HSPA12A: variants seen among roughly 807,000 people sequenced by gnomAD.
The protein encoded by HSPA12A is heat shock protein family A (Hsp70) member 12A.
HSPA12A carries 28 observed loss-of-function variants against 69.2 expected under a neutral mutation model. That is an observed-to-expected ratio of 0.40 (90% confidence interval 0.30 to 0.55). The LOEUF (loss-of-function observed/expected upper bound fraction) is 0.55, where lower values mean the gene tolerates loss of function less well. Among genes scored for constraint, HSPA12A ranks in the 20% least tolerant of loss-of-function variants. The probability of loss-of-function intolerance (pLI) is 0.38; values close to 1 mark genes in which losing one functional copy is unlikely to be tolerated. For synonymous variants in HSPA12A, 345 were observed against 370.5 expected, an observed-to-expected ratio of 0.93 and a Z score of 0.79; for missense variants, 686 against 900.7, an observed-to-expected ratio of 0.76 and a Z score of 3.05.
intron 10 of HSPA12A, among the ~76,000 whole-genome samples, chr10:116,679,195 G>A (rs1156746499): frequency 6.6e-6 from 1 of 152,168 alleles, no homozygotes; most frequent in African/African-American, 2.4e-5. Flanking sequence ...ACTAAACTTC[G>A]CTGCTTTCAT....
chr10:116,837,627 A>AT (rs200917330), intron 1 of HSPA12A, among the ~76,000 whole-genome samples: 3,976 of 152,094 alleles, frequency 0.026, 172 homozygotes, highest in African/African-American at 0.091. Context: ...TATGTGCAGC[A>AT]TTTTTTTTCC....
chr10:116,783,001 A>T (rs781883640), intron 2 of HSPA12A, among the ~76,000 whole-genome samples: 2 of 152,216 alleles, frequency 1.3e-5, no homozygotes, highest in African/African-American at 4.8e-5. Context: ...AGGCGAAAGA[A>T]GGGAAATGAC....
intron 2 of HSPA12A, among the ~76,000 whole-genome samples, chr10:116,796,548 C>G (rs1486063266): frequency 6.6e-6 from 1 of 152,172 alleles, no homozygotes; most frequent in Non-Finnish European, 1.5e-5. Flanking sequence ...ATGCAAACTC[C>G]TCCAGACCAT....
At chr10:116,783,708 T>A (rs185990261) in intron 2 of HSPA12A, among the ~76,000 whole-genome samples, 1 of 152,210 alleles carries the variant, frequency 6.6e-6, no homozygotes, top group Admixed American at 6.5e-5. Flanking sequence ...TGTGTTAGTA[T>A]ACCACCATTT....
chr10:116,786,185 T>C (rs1589705358), intron 2 of HSPA12A, among the ~76,000 whole-genome samples: 1 of 152,216 alleles, frequency 6.6e-6, no homozygotes, highest in African/African-American at 2.4e-5. Context: ...TGGGGTTGCA[T>C]GGAAGGCAGG....
upstream of HSPA12A, chr10:116,742,569 G>A: frequency 8.7e-7 from 1 of 1,150,514 alleles, no homozygotes; most frequent in Non-Finnish European, 1.1e-6. Context: ...CCGTGTCTGA[G>A]CCGCCGGGCA....
In HSPA12A at chr10:116,823,653, A is replaced by G. The variant is rs147964055; in HGVS notation, c.91+11282T>C. ...GGTGAAGACAATTTAGTGGGGAAAT[A>G]ATAGTCTTTTCACTAATGGTGCTGG... On this transcript the variant is annotated intron_variant, in intron 2 of 12. Coordinates refer to the HSPA12A transcript ENST00000635765. Among the ~76,000 whole-genome samples, 794 of 152,344 alleles carry G rather than the reference A, an allele frequency of 5.2e-3. 3 individuals carry two copies. Among genetic ancestry groups the G allele is most frequent in the Non-Finnish European group, 8.4e-3 (574 of 68,034 alleles).
At chr10:116,718,690 C>T (rs986204444) in intron 1 of HSPA12A, among the ~76,000 whole-genome samples, 1 of 152,160 alleles carries the variant, frequency 6.6e-6, no homozygotes, top group African/African-American at 2.4e-5. Context: ...CCTTGAAGGG[C>T]TGCACTGCCT....
chr10:116,750,464 G>A (rs1851749683), intron 2 of HSPA12A: 2 of 547,834 alleles, frequency 3.7e-6, no homozygotes, highest in Admixed American at 2.4e-5. Flanking sequence ...TGAAAACAAG[G>A]AATTTAATGC....
intron 2 of HSPA12A, among the ~76,000 whole-genome samples, chr10:116,761,435 G>A (rs9420208): frequency 0.089 from 13,350 of 149,212 alleles, 667 homozygotes; most frequent in African/African-American, 0.14. Flanking sequence ...GCAGTGAGCC[G>A]AGATCACACC....
chr10:116,697,142 ACTT>A (rs1554880958), intron 5 of HSPA12A, among the ~76,000 whole-genome samples: 3 of 152,218 alleles, frequency 2.0e-5, no homozygotes, highest in Admixed American at 6.5e-5. Context: ...CCATGTTCTC[ACTT>A]CTTCTTTGTC....
chr10:116,794,458 T>A (rs945225275), intron 2 of HSPA12A, among the ~76,000 whole-genome samples: 2 of 152,156 alleles, frequency 1.3e-5, no homozygotes, highest in Non-Finnish European at 2.9e-5. Context: ...TTCAAAGGAC[T>A]GAACACATGC....
chr10:116,785,170 T>C (rs1844549602), intron 2 of HSPA12A, among the ~76,000 whole-genome samples: 1 of 152,154 alleles, frequency 6.6e-6, no homozygotes, highest in Non-Finnish European at 1.5e-5. Flanking sequence ...GACCCCTGCA[T>C]GTCCACTCTC....
At chr10:116,678,557 G>A (rs1197977951) in intron 10 of HSPA12A, among the ~76,000 whole-genome samples, 1 of 131,948 alleles carries the variant, frequency 7.6e-6, no homozygotes, top group Non-Finnish European at 1.5e-5. Context: ...CTGCTATGTA[G>A]AGCCCTCATT....
intron 1 of HSPA12A, among the ~76,000 whole-genome samples, chr10:116,838,134 C>T (rs1231542724): frequency 1.3e-5 from 2 of 152,146 alleles, no homozygotes; most frequent in East Asian, 1.9e-4. Flanking sequence ...TTTCTAGTAG[C>T]TTTGCCTATT....
upstream of HSPA12A, among the ~76,000 whole-genome samples, chr10:116,747,086 C>A (rs552095641): frequency 6.6e-6 from 1 of 152,242 alleles, no homozygotes; most frequent in Non-Finnish European, 1.5e-5. Flanking sequence ...AAAAGCCAGC[C>A]TTACAGCTGA....
chr10:116,701,084 T>C lies in HSPA12A; in HGVS notation c.300A>G (p.Pro100=), dbSNP rs375254946. 6.6e-5 allele frequency: 106 copies of C among 1,613,992 alleles called. No individual in the cohort carries two copies. Among genetic ancestry groups the C allele is most frequent in the Non-Finnish European group, 8.8e-5 (104 of 1,180,030 alleles). ...TCTCGGGAGTCAGCAAGATGGTGGT[T>C]GGAGTCTTCTGATTGGACACACCAG... is the stretch of plus-strand genomic sequence containing the variant. ...GDPGVSNQKT[P]TTILLTPERK... The change falls in exon 4 of 12, where the codon CCA becomes CCG. Residue 100 remains proline, a synonymous_variant. Transcript: ENST00000369209.
intron 2 of HSPA12A, among the ~76,000 whole-genome samples, chr10:116,813,493 C>T (rs1165921373): frequency 8.6e-5 from 13 of 151,942 alleles, no homozygotes; most frequent in South Asian, 6.3e-4. Context: ...GTGATCCACC[C>T]GCCTCAGCCT....
At chr10:116,816,604 C>G (rs112972002) in intron 2 of HSPA12A, among the ~76,000 whole-genome samples, 3 of 152,166 alleles carry the variant, frequency 2.0e-5, no homozygotes, top group Non-Finnish European at 2.9e-5. Flanking sequence ...AAAGCTTAAC[C>G]GGCGCCGTCC....
Sources: gnomAD v4.1 joint callset for allele counts (sites outside exome capture counted in the v4.1 genomes callset) on GRCh38, gnomAD v4.1.1 for gene constraint, MANE v1.5 for transcripts, NCBI Gene and HGNC (gene_info 2026-07-23, HGNC 2026-07-21) for gene names.